Variants in AQR observed in about 807,000 individuals in gnomAD.
AQR encodes the protein aquarius intron-binding spliceosomal factor, also known as RNA helicase aquarius.
AQR carries 61 observed loss-of-function variants against 180.5 expected under a neutral mutation model. The ratio of observed to expected loss-of-function variants is 0.34; its 90% CI spans 0.28 to 0.42. The LOEUF (loss-of-function observed/expected upper bound fraction) is 0.42, where lower values mean the gene tolerates loss of function less well. AQR is among the 10% of genes least tolerant of loss of function. The pLI, the probability that AQR is intolerant of heterozygous loss-of-function variation, is 1.00. For missense variants in AQR, 1,281 were observed against 1,798.3 expected (o/e 0.71, Z 5.20); for synonymous variants, 551 against 588.8 (o/e 0.94, Z 0.93).
intron 27 of AQR, among the ~76,000 whole-genome samples, chr15:34,882,108 A>C (rs1272522192): frequency 6.6e-6 from 1 of 152,146 alleles, no homozygotes; most frequent in Non-Finnish European, 1.5e-5. Flanking sequence ...ACCTGGCTGA[A>C]AACCATTTTG....
chr15:34,926,137 A>G (rs1303294958), intron 13 of AQR, among the ~76,000 whole-genome samples: 1 of 152,024 alleles, frequency 6.6e-6, no homozygotes. Flanking sequence ...GCCTGGGCGA[A>G]AGAGCGAGAC....
intron 8 of AQR, among the ~76,000 whole-genome samples, chr15:34,939,851 G>A (rs796909386): frequency 1.8e-4 from 28 of 152,308 alleles, no homozygotes; most frequent in African/African-American, 6.5e-4. Context: ...AACAGTCCTC[G>A]GAAATGGGTA....
intron 8 of AQR, among the ~76,000 whole-genome samples, chr15:34,940,299 G>C (rs1340068836): frequency 6.6e-6 from 1 of 152,210 alleles, no homozygotes; most frequent in Non-Finnish European, 1.5e-5. Context: ...AGGAGGCCGA[G>C]GCAGGCGGAT....
intron 3 of AQR, among the ~76,000 whole-genome samples, chr15:34,955,960 T>C (rs1000896458): frequency 6.6e-6 from 1 of 150,858 alleles, no homozygotes; most frequent in African/African-American, 2.4e-5. Flanking sequence ...TAGTGTGTGA[T>C]TCTATTTATT....
rs941526314 is a variant in AQR at position 34,867,686 on chromosome 15, G to T, written c.3769-77C>A. ...TAGAGATCATTTAAATAATGTGCTA[G>T]GAACAAACATCTTATCCTTAATCAA... is the stretch of plus-strand genomic sequence containing the variant. On this transcript the variant is annotated intron_variant, in intron 31 of 34. Transcript: ENST00000156471. 3.2e-5 allele frequency: 31 copies of T among 980,758 alleles called. No individual in the cohort carries two copies. The Middle Eastern group carries it at 1.5e-3, about 48-fold the overall frequency. The allele number at this position is 980,758 out of a possible 1,614,324, so 60.8% of individuals were successfully genotyped here.
At chr15:34,929,940 C>T (rs138303232) in intron 12 of AQR, among the ~76,000 whole-genome samples, 9 of 152,246 alleles carry the variant, frequency 5.9e-5, no homozygotes, top group East Asian at 3.9e-4. Context: ...AAAATGGTTA[C>T]GCACCCCCTG....
chr15:34,960,076 T>C (rs2050265628), intron 3 of AQR, among the ~76,000 whole-genome samples: 2 of 152,214 alleles, frequency 1.3e-5, no homozygotes, highest in Non-Finnish European at 1.5e-5. Flanking sequence ...AAGAACAAAA[T>C]CCTGAAGATG....
intron 33 of AQR, among the ~76,000 whole-genome samples, chr15:34,862,431 G>A (rs1169539457): frequency 1.3e-5 from 2 of 151,952 alleles, no homozygotes; most frequent in African/African-American, 4.8e-5. Context: ...TGTAAAACGG[G>A]GTTAATAAAA....
intron 20 of AQR, 78 bp downstream of exon 20, chr15:34,900,544 T>C: frequency 6.6e-7 from 1 of 1,522,766 alleles, no homozygotes; most frequent in Non-Finnish European, 8.8e-7. Context: ...CAAAACTCAC[T>C]TTAGCTAACA....
chr15:34,874,417 A>G (rs1892863753), intron 29 of AQR: 1 of 431,704 alleles, frequency 2.3e-6, no homozygotes, highest in Non-Finnish European at 4.1e-6. Flanking sequence ...GGACATGAAG[A>G]AAGGAGAAGG....
intron 13 of AQR, among the ~76,000 whole-genome samples, chr15:34,922,591 G>A (rs1893698758): frequency 6.6e-6 from 1 of 152,002 alleles, no homozygotes; most frequent in Admixed American, 6.6e-5. Context: ...GTCTTACTCT[G>A]TCATCCAGGC....
chr15:34,946,626 A>G, intron 5 of AQR, among the ~76,000 whole-genome samples: 1 of 136,640 alleles, frequency 7.3e-6, no homozygotes, highest in African/African-American at 2.8e-5. Context: ...CCGGGAGGTG[A>G]GGGGCGCCTC....
At chr15:34,952,545 A>G (rs1030054193) in intron 4 of AQR, among the ~76,000 whole-genome samples, 2 of 152,224 alleles carry the variant, frequency 1.3e-5, no homozygotes, top group African/African-American at 4.8e-5. Context: ...TGTTACCTTG[A>G]TGATAACATT....
intron 32 of AQR, among the ~76,000 whole-genome samples, chr15:34,863,454 T>C (rs908837214): frequency 2.6e-5 from 4 of 152,172 alleles, no homozygotes; most frequent in Non-Finnish European, 5.9e-5. Context: ...AGATAACTCT[T>C]ACCACACTGT....
intron 30 of AQR, among the ~76,000 whole-genome samples, chr15:34,871,308 A>C (rs1055081302): frequency 1.3e-5 from 2 of 152,040 alleles, no homozygotes; most frequent in Non-Finnish European, 2.9e-5. Context: ...GGAGTTTGAG[A>C]CCAGCCTGGA....
chr15:34,861,134 A>C (rs1892665852), intron 33 of AQR, among the ~76,000 whole-genome samples: 1 of 152,356 alleles, frequency 6.6e-6, no homozygotes, highest in South Asian at 2.1e-4. Context: ...AAAAAGGAGG[A>C]TTCAATCTCA....
At chr15:34,967,497 G>A (rs1346917110) in intron 1 of AQR, among the ~76,000 whole-genome samples, 2 of 152,148 alleles carry the variant, frequency 1.3e-5, no homozygotes, top group Non-Finnish European at 2.9e-5. Context: ...CAGGTATATG[G>A]GGAAAGAGAC....
chr15:34,873,727 C>G (rs1274126467), intron 30 of AQR, 101 bp downstream of exon 30: 1 of 1,090,140 alleles, frequency 9.2e-7, no homozygotes, highest in Non-Finnish European at 1.3e-6. Flanking sequence ...GGGGTTCCAA[C>G]TTTCCTTTTC....
At chr15:34,915,732 G>A (rs1161727969) in intron 15 of AQR, among the ~76,000 whole-genome samples, 3 of 151,896 alleles carry the variant, frequency 2.0e-5, no homozygotes, top group African/African-American at 7.3e-5. Flanking sequence ...GATCACCTGA[G>A]GTCAGGAGTT....
Sources: allele counts gnomAD v4.1 joint callset (sites outside exome capture counted in the v4.1 genomes callset), GRCh38; gene constraint gnomAD v4.1.1; transcripts MANE v1.5; gene names NCBI Gene and HGNC (gene_info 2026-07-23, HGNC 2026-07-21).